SP4: variants seen among roughly 807,000 people sequenced by gnomAD.
SP4 encodes the protein Sp4 transcription factor.
Under a neutral mutation model 72.8 loss-of-function variants are expected in SP4, and 19 were observed. That is an observed-to-expected ratio of 0.26 (90% confidence interval 0.18 to 0.38). The LOEUF (loss-of-function observed/expected upper bound fraction) is 0.38, where lower values mean the gene tolerates loss of function less well. Among genes scored for constraint, SP4 ranks in the 10% least tolerant of loss-of-function variants. The pLI is 1.00. For synonymous variants in SP4, 395 were observed against 333.1 expected, an observed-to-expected ratio of 1.19 and a Z score of -2.02; for missense variants, 1,008 against 926.3, an observed-to-expected ratio of 1.09 and a Z score of -1.14.
At position 21,430,500 on chromosome 7, in the gene SP4, A is replaced by G. The variant is rs200711996; in HGVS notation, c.1335A>G (p.Gln445=). ...AGCAGCAGCCTTTACAGAATGTTCA[A>G]CTTCAAGCAGTAAATCCGACTCAGG... ...TIQQQPLQNV[Q]LQAVNPTQVL... is the part of the protein sequence containing the mutation. Residue 445 remains glutamine, a synonymous_variant, in exon 3 of 6, where the codon CAA becomes CAG. Coordinates refer to ENST00000222584, the MANE Select transcript of SP4 (RefSeq NM_003112.5). The G allele has an allele frequency of 1.3e-5, 21 of 1,614,222 alleles. No homozygotes were observed. The highest frequency in any genetic ancestry group is 1.1e-4 in the East Asian group (5 of 44,888).
chr7:21,498,842 A>G (rs1583445455), intron 5 of SP4, among the ~76,000 whole-genome samples: 1 of 151,980 alleles, frequency 6.6e-6, no homozygotes, highest in African/African-American at 2.4e-5. Flanking sequence ...TCCCAGCACT[A>G]TGGGAGGCCG....
In SP4 at chr7:21,449,613, TA is replaced by T. The variant is rs1452512961; in HGVS notation, c.1678+18777del. On this transcript the variant is annotated intron_variant, in intron 3 of 5. Transcript: ENST00000222584. Reference sequence around the variant, plus strand: ...CATGCATATGTATAATGTATGTGTATAAAAAAACTTTAAACTTGATTTGGAA... The same window carrying T: ...CATGCATATGTATAATGTATGTGTATAAAAAACTTTAAACTTGATTTGGAA... Among the ~76,000 whole-genome samples, 3 of 152,182 alleles carry T rather than the reference TA, an allele frequency of 2.0e-5. No homozygotes were observed. The East Asian group carries it at 5.8e-4, about 29-fold the overall frequency.
chr7:21,499,640 A>G (rs149351546), intron 5 of SP4, among the ~76,000 whole-genome samples: 1 of 152,270 alleles, frequency 6.6e-6, no homozygotes, highest in East Asian at 1.9e-4. Context: ...ACTGTGAGAA[A>G]ATAAATTTAT....
intron 3 of SP4, among the ~76,000 whole-genome samples, chr7:21,462,568 T>G (rs1347491537): frequency 6.6e-6 from 1 of 151,902 alleles, no homozygotes; most frequent in African/African-American, 2.4e-5. Context: ...AGTGTCTAGT[T>G]TGTATCTGGA....
chr7:21,428,606 A>T, intron 1 of SP4, 71 bp from the exon 2 acceptor site: 1 of 1,382,724 alleles, frequency 7.2e-7, no homozygotes, highest in Non-Finnish European at 9.9e-7. Flanking sequence ...AGAAGAGGAG[A>T]GGAAGAAGAC....
At chr7:21,439,569 C>CAG (rs1455558470) in intron 3 of SP4, among the ~76,000 whole-genome samples, 1 of 150,712 alleles carries the variant, frequency 6.6e-6, no homozygotes, top group Non-Finnish European at 1.5e-5. Context: ...CTTCATGGCT[C>CAG]AGAATATCTG....
chr7:21,498,545 A>G (rs1056924156), intron 5 of SP4, among the ~76,000 whole-genome samples: 6 of 152,200 alleles, frequency 3.9e-5, no homozygotes, highest in Non-Finnish European at 8.8e-5. Context: ...CAGGAACTAC[A>G]TGGCTCTCAG....
At chr7:21,493,199 G>GAAAAAA (rs111403862) in intron 5 of SP4, among the ~76,000 whole-genome samples, 1 of 146,478 alleles carries the variant, frequency 6.8e-6, no homozygotes, top group African/African-American at 2.5e-5. Flanking sequence ...GATTCCATGT[G>GAAAAAA]AAAAAAAAAA....
chr7:21,497,174 G>A (rs1781730209), intron 5 of SP4, among the ~76,000 whole-genome samples: 1 of 152,192 alleles, frequency 6.6e-6, no homozygotes, highest in Non-Finnish European at 1.5e-5. Flanking sequence ...CATTTCTCAT[G>A]GGGCTACTTC....
In SP4 at chr7:21,430,675, G is replaced by C; in HGVS notation, c.1510G>C (p.Gly504Arg). ...CATCACCCCAGTGTCTTCAAGTGGT[G>C]GCACAACTCTTGCTCAGATTGCTCC... Reference protein sequence around the residue: ...LTITPVSSSGGTTLAQIAPVA... With the variant: ...LTITPVSSSGRTTLAQIAPVA... The change falls in exon 3 of 6, where the codon GGC (glycine) becomes CGC (arginine). Residue 504 changes from glycine (G) to arginine (R), a missense_variant. By Grantham distance (125) the Gly-to-Arg change is moderately radical. Coordinates refer to ENST00000222584, the MANE Select transcript of SP4 (RefSeq NM_003112.5). 3 of 1,614,224 alleles carry C rather than the reference G, an allele frequency of 1.9e-6. No individual in the cohort carries two copies. Among genetic ancestry groups the C allele is most frequent in the Non-Finnish European group, 2.5e-6 (3 of 1,180,046 alleles).
At chr7:21,475,446 C>T (rs138737236) in intron 3 of SP4, among the ~76,000 whole-genome samples, 130 of 151,800 alleles carry the variant, frequency 8.6e-4, no homozygotes, top group Middle Eastern at 3.4e-3. Flanking sequence ...TATGCAGGAC[C>T]GGTATGTTTG....
rs371732534 is a variant in SP4 at position 21,428,208 on chromosome 7, C to T, written c.-44C>T. ...GCCTCGCCCCCACCCCCACCCACCT[C>T]TATCCCAGTGTCTCCGTCTGAGGGT... is the stretch of plus-strand genomic sequence containing the variant. On this transcript the variant is annotated 5_prime_UTR_variant, in exon 1 of 6. Coordinates refer to ENST00000222584, the MANE Select transcript of SP4 (RefSeq NM_003112.5). The T allele has an allele frequency of 3.9e-4, 488 of 1,264,058 alleles. 3 individuals are homozygous for T. The Middle Eastern group carries it at 4.2e-3, about 11-fold the overall frequency. The allele number at this position is 1,264,058 out of a possible 1,614,324, so 78.3% of individuals were successfully genotyped here.
chr7:21,445,620 A>T (rs1053985797), intron 3 of SP4, among the ~76,000 whole-genome samples: 8 of 152,138 alleles, frequency 5.3e-5, no homozygotes, highest in African/African-American at 1.7e-4. Flanking sequence ...TCTTGATCTT[A>T]GATTATTGCT....
At position 21,430,593 on chromosome 7, in the gene SP4, T is replaced by C; in HGVS notation, c.1428T>C (p.Asn476=). The change falls in exon 3 of 6, where the codon AAT becomes AAC. Residue 476 remains asparagine, a synonymous_variant. Transcript: ENST00000222584. ...QISWQTVQVQ[N]IQSLSNLQVQ... ...GTTGGCAAACTGTACAGGTTCAGAA[T>C]ATTCAGAGTCTTTCAAATTTGCAAG... 6.2e-7 allele frequency: 1 copy of C among 1,614,242 alleles called. No individual in the cohort carries two copies. The highest frequency in any genetic ancestry group is 8.5e-7 in the Non-Finnish European group (1 of 1,180,036).
chr7:21,447,860 T>G (rs1783476222), intron 3 of SP4, among the ~76,000 whole-genome samples: 1 of 152,136 alleles, frequency 6.6e-6, no homozygotes, highest in Non-Finnish European at 1.5e-5. Context: ...ATTTTTGTAT[T>G]GTTACTAGAG....
At chr7:21,478,790 C>A (rs1189888981) in intron 4 of SP4, among the ~76,000 whole-genome samples, 1 of 152,132 alleles carries the variant, frequency 6.6e-6, no homozygotes, top group Non-Finnish European at 1.5e-5. Flanking sequence ...TGTCTCCTGG[C>A]TGGGCGCAGT....
In SP4 at chr7:21,428,786, C is replaced by T; in HGVS notation, c.117C>T (p.Gly39=). 5.2e-6 allele frequency: 8 copies of T among 1,549,218 alleles called. No individual in the cohort carries two copies. Among genetic ancestry groups the T allele is most frequent in the Non-Finnish European group, 7.0e-6 (8 of 1,146,274 alleles). ...ACAATAAAAAACCCAAAACCTCAGG[C>T]TCCCAGGTAAAAGCAAACAAATTAA... ...ENNNKKPKTS[G]SQDSQPSPLA... The change falls in exon 2 of 6, where the codon GGC becomes GGT. Residue 39 remains glycine, a synonymous_variant. Transcript: ENST00000222584.
chr7:21,479,921 T>G (rs1382648143), intron 4 of SP4, among the ~76,000 whole-genome samples: 1 of 152,228 alleles, frequency 6.6e-6, no homozygotes, highest in African/African-American at 2.4e-5. Flanking sequence ...AGAAATACAT[T>G]TTTTAATGTA....
chr7:21,436,633 A>C (rs1250868628), intron 3 of SP4, among the ~76,000 whole-genome samples: 1 of 152,142 alleles, frequency 6.6e-6, no homozygotes, highest in East Asian at 1.9e-4. Context: ...GTGTACACAT[A>C]TATGTGCTCT....
Sources: gnomAD v4.1 joint callset for allele counts (sites outside exome capture counted in the v4.1 genomes callset) on GRCh38, gnomAD v4.1.1 for gene constraint, MANE v1.5 for transcripts, NCBI Gene and HGNC (gene_info 2026-07-23, HGNC 2026-07-21) for gene names.